The following STKLD1 variants were observed in gnomAD, a reference collection of about 807,000 sequenced individuals.
The protein encoded by STKLD1 is serine/threonine kinase like domain containing 1, also known as serine/threonine kinase-like domain-containing protein STKLD1.
A neutral mutation model predicts 80.4 loss-of-function variants in STKLD1; 79 were observed. That is an observed-to-expected ratio of 0.98 (90% CI 0.82 to 1.19). The LOEUF (loss-of-function observed/expected upper bound fraction) is 1.19. STKLD1 is among the 50% of genes most tolerant of loss of function. The pLI, the probability that STKLD1 is intolerant of heterozygous loss-of-function variation, is 0.00. For missense variants in STKLD1, 841 were observed against 856.0 expected, an observed-to-expected ratio of 0.98 and a Z score of 0.22; for synonymous variants, 393 against 357.6, an observed-to-expected ratio of 1.10 and a Z score of -1.12.
Position 133,389,322 on chromosome 9 carries a change from CCTT to C in STKLD1, c.397-201_397-199del, listed in dbSNP as rs1269469646. On this transcript the variant is annotated intron_variant, in intron 5 of 17. Coordinates refer to ENST00000371957, the MANE Select transcript of STKLD1 (RefSeq NM_153710.5). The surrounding 1 kb of genome is among the most constrained non-coding windows in gnomAD (Gnocchi z 6.4). ...AGTGTGGAGTCTGGAAACTCAGAGTCCTTCTGGCTGCCGCCGCGGCTTTACCAT... is the reference window on the plus strand; with the variant it reads ...AGTGTGGAGTCTGGAAACTCAGAGTCCTGGCTGCCGCCGCGGCTTTACCAT... 3.0e-6 allele frequency: 3 copies of C among 985,208 alleles called. No individual in the cohort carries two copies. The highest frequency in any genetic ancestry group is 6.2e-5 in the Admixed American group (1 of 16,250). The allele number at this position is 985,208 out of a possible 1,614,324, so 61.0% of individuals were successfully genotyped here.
chr9:133,397,532 C>T (rs1838593465), intron 10 of STKLD1, among the ~76,000 whole-genome samples: 1 of 152,192 alleles, frequency 6.6e-6, no homozygotes, highest in Non-Finnish European at 1.5e-5. Flanking sequence ...CTCTCCATAG[C>T]CTGGCCCCCA....
In STKLD1 at chr9:133,397,231, C is replaced by T. The variant is rs1368590258; in HGVS notation, c.934C>T (p.Arg312Trp). ...CTCGTGCGTCTCTCTGACCCTGCACCGGCAGATGGTGCCTGCGTCCATCAC... is the reference window on the plus strand; with the variant it reads ...CTCGTGCGTCTCTCTGACCCTGCACTGGCAGATGGTGCCTGCGTCCATCAC... ...KSSCVSLTLH[R>W]QMVPASITDM... The change falls in exon 10 of 18, where the codon CGG becomes TGG. Residue 312 changes from arginine to tryptophan, a missense_variant. By Grantham distance (101) the Arg-to-Trp change is moderately radical (BLOSUM62 -3). Transcript: ENST00000371957. The T allele has an allele frequency of 9.3e-6, 15 of 1,613,774 alleles. No individual in the cohort carries two copies. Among genetic ancestry groups the T allele is most frequent in the African/African-American group, 2.7e-5 (2 of 74,900 alleles).
chr9:133,377,669 GAA>G (rs587711002), intron 1 of STKLD1, among the ~76,000 whole-genome samples: 5 of 146,112 alleles, frequency 3.4e-5, no homozygotes, highest in Admixed American at 3.4e-4. Context: ...GTCTCAGAAA[GAA>G]AAAAAAAAAT....
chr9:133,400,636 C>A (rs1838678902), intron 12 of STKLD1, 107 bp downstream of exon 12: 1 of 876,252 alleles, frequency 1.1e-6, no homozygotes, highest in Non-Finnish European at 1.9e-6. Context: ...TTAGGGGAAG[C>A]CATGCCCTGC....
rs2130249546 is a variant in STKLD1, at chr9:133,376,566, G to C, written c.87+6G>C. ...AGCCCATGGAGAAGTACCAGGTGCCGAGTGTTCCCTGCGGGGAGGCGGGAG... is the reference window on the plus strand; with the variant it reads ...AGCCCATGGAGAAGTACCAGGTGCCCAGTGTTCCCTGCGGGGAGGCGGGAG... On this transcript the variant is annotated splice_donor_region_variant and intron_variant, in intron 1 of 17. Transcript: ENST00000371957. 2 of 1,589,462 alleles carry C rather than the reference G, an allele frequency of 1.3e-6. No individual in the cohort carries two copies. The highest frequency in any genetic ancestry group is 1.7e-6 in the Non-Finnish European group (2 of 1,170,614).
In STKLD1 at chr9:133,387,503, G is replaced by T; in HGVS notation, c.351G>T (p.Glu117Asp). Residue 117 changes from glutamate to aspartate, a missense_variant, in exon 5 of 18, where the codon GAG (glutamate) becomes GAT (aspartate). Glu to Asp is a conservative substitution (Grantham distance 45, BLOSUM62 2). Coordinates refer to ENST00000371957, the MANE Select transcript of STKLD1 (RefSeq NM_153710.5). The part of the protein sequence containing the change: ...VMEFNELSFQ[E>D]VIEDKRKAKK... ...AGTTCAATGAGCTCAGCTTCCAGGA[G>T]GTCATTGAGGATAAGAGGAAGGCAA... The T allele has an allele frequency of 6.2e-7, 1 of 1,614,114 alleles. No homozygotes were observed. The highest frequency in any genetic ancestry group is 8.5e-7 in the Non-Finnish European group (1 of 1,180,022).
At chr9:133,402,727 T>C in intron 13 of STKLD1, 151 bp from the exon 14 acceptor site, 1 of 790,704 alleles carries the variant, frequency 1.3e-6, no homozygotes, top group Non-Finnish European at 1.9e-6. Context: ...CACATCCTCC[T>C]GTTCAGGGCT....
At chr9:133,396,716 C>G (rs1838573295) in intron 9 of STKLD1, among the ~76,000 whole-genome samples, 1 of 152,098 alleles carries the variant, frequency 6.6e-6, no homozygotes, top group African/African-American at 2.4e-5. Flanking sequence ...GAGATTGTGC[C>G]ACTGCACTCC....
chr9:133,377,521 G>A (rs2130254604), intron 1 of STKLD1, among the ~76,000 whole-genome samples: 2 of 152,352 alleles, frequency 1.3e-5, no homozygotes, highest in Admixed American at 1.3e-4. Context: ...AAATTAGCCA[G>A]GTGTGGTGGC....
chr9:133,393,040 G>GT (rs1443590285), intron 7 of STKLD1, among the ~76,000 whole-genome samples: 2 of 124,664 alleles, frequency 1.6e-5, no homozygotes, highest in African/African-American at 3.1e-5. Flanking sequence ...AGATGGGTGA[G>GT]TGCATGGGTT....
rs28510482 is a variant in STKLD1, at chr9:133,403,788, A to G, written c.1563A>G (p.Ala521=). 276,413 of 1,613,376 alleles carry G rather than the reference A, an allele frequency of 0.17. 24,336 individuals are homozygous for G. The highest frequency in any genetic ancestry group is 0.2 in the African/African-American group (14,882 of 75,024). ...LATYPADGEM[A]EASCGVFWLL... is the part of the protein sequence containing the mutation. ...CCTACCCTGCGGATGGGGAAATGGC[A>G]GAAGCCAGCTGCGGAGTCTTCTGGC... Residue 521 remains alanine, a synonymous_variant, in exon 15 of 18, where the codon GCA becomes GCG. Transcript: ENST00000371957.
chr9:133,395,569 G>A (rs41306714), intron 8 of STKLD1, 31 bp from the exon 9 acceptor site: 1 of 1,604,984 alleles, frequency 6.2e-7, no homozygotes, highest in Non-Finnish European at 8.5e-7. Context: ...TTACTTAAGG[G>A]AATACACAGA....
intron 4 of STKLD1, among the ~76,000 whole-genome samples, chr9:133,387,087 A>G (rs2130278777): frequency 4.6e-5 from 7 of 152,186 alleles, no homozygotes; most frequent in Non-Finnish European, 1.0e-4. Context: ...CAGGGTCCTC[A>G]GAGGAAATGG....
intron 2 of STKLD1, among the ~76,000 whole-genome samples, chr9:133,383,537 G>GT (rs1327807823): frequency 3.8e-4 from 1 of 2,606 alleles, no homozygotes; most frequent in Non-Finnish European, 9.5e-4. Flanking sequence ...TGATGGTGAT[G>GT]GTGGTGATGA....
rs1281671082 is a variant in STKLD1 at position 133,387,473 on chromosome 9, G to A, written c.321G>A (p.Val107=). 1 of 1,613,962 alleles carries A rather than the reference G, an allele frequency of 6.2e-7. No homozygotes were observed. Among genetic ancestry groups the A allele is most frequent in the Non-Finnish European group, 8.5e-7 (1 of 1,180,008 alleles). Residue 107 remains valine (V), a synonymous_variant, in exon 5 of 18, where the codon GTG becomes GTA. Transcript: ENST00000371957. Reference sequence around the variant, plus strand: ...TCTCTTCTCTGTACCTCTGCCTGGTGATGGAGTTCAATGAGCTCAGCTTCC... The same window carrying A: ...TCTCTTCTCTGTACCTCTGCCTGGTAATGGAGTTCAATGAGCTCAGCTTCC... The part of the protein sequence containing the change: ...GEISSLYLCL[V]MEFNELSFQE...
In STKLD1 at chr9:133,394,283, ACCAACAGAC is replaced by A; in HGVS notation, c.584-5_587del. On this transcript the variant is annotated splice_acceptor_variant and splice_polypyrimidine_tract_variant and coding_sequence_variant and intron_variant, in exon 8 of 18. Coordinates refer to ENST00000371957, the MANE Select transcript of STKLD1 (RefSeq NM_153710.5). LOFTEE classifies it high-confidence loss of function. This position sits in a 1 kb window ranked among gnomAD's most constrained non-coding sequence, Gnocchi z 4.9. ...GACTCAGGGATCCCACCTTGCTTTTACCAACAGACCCCTTTCGTAAGTCCTGGATGGCCC... is the reference window on the plus strand; with the variant it reads ...GACTCAGGGATCCCACCTTGCTTTTACCCTTTCGTAAGTCCTGGATGGCCC... 4 of 1,603,018 alleles carry A rather than the reference ACCAACAGAC, an allele frequency of 2.5e-6. No homozygotes were observed. Among genetic ancestry groups the A allele is most frequent in the Non-Finnish European group, 3.4e-6 (4 of 1,170,104 alleles).
At chr9:133,399,586 G>A (rs1838643825) in intron 11 of STKLD1, among the ~76,000 whole-genome samples, 1 of 152,166 alleles carries the variant, frequency 6.6e-6, no homozygotes. Flanking sequence ...GCTTAGAAAT[G>A]GGCTTGCAGC....
chr9:133,403,850 G>A, intron 15 of STKLD1, 22 bp downstream of exon 15: 1 of 1,612,698 alleles, frequency 6.2e-7, no homozygotes, highest in Non-Finnish European at 8.5e-7. Flanking sequence ...GGGCGCCCTG[G>A]GCCCCTGGGG....
chr9:133,405,523 T>C lies in STKLD1; in HGVS notation c.*102T>C, dbSNP rs1588761934. 1 of 1,246,934 alleles carries C rather than the reference T, an allele frequency of 8.0e-7. No individual in the cohort carries two copies. The highest frequency in any genetic ancestry group is 1.1e-6 in the Non-Finnish European group (1 of 922,748). The allele number at this position is 1,246,934 out of a possible 1,614,324, so 77.2% of individuals were successfully genotyped here. A position where few individuals can be genotyped will look rare whatever the true frequency, so the allele number is the denominator to read the frequency against. ...CTCTATGACTGGGCCAAAATCAATC[T>C]TAAACGGGAGGGGTAATCAGACCTC... On this transcript the variant is annotated 3_prime_UTR_variant, in exon 18 of 18. Coordinates refer to ENST00000371957, the MANE Select transcript of STKLD1 (RefSeq NM_153710.5).
Sources: allele counts gnomAD v4.1 joint callset (sites outside exome capture counted in the v4.1 genomes callset), GRCh38; gene constraint gnomAD v4.1.1; non-coding constraint Gnocchi (gnomAD v3.1); transcripts MANE v1.5; gene names NCBI Gene and HGNC (gene_info 2026-07-23, HGNC 2026-07-21).